Variants in MYRIP observed in about 807,000 individuals in gnomAD.
The protein encoded by MYRIP is rab effector MyRIP.
A neutral mutation model predicts 98.0 loss-of-function variants in MYRIP; 49 were observed. The observed-to-expected ratio is 0.50, with a 90% CI of 0.40 to 0.63. The LOEUF is 0.63. Among genes scored for constraint, MYRIP ranks in the 30% least tolerant of loss-of-function variants. MYRIP has a pLI of 0.00. For synonymous variants in MYRIP, 404 were observed against 409.5 expected, an observed-to-expected ratio of 0.99 and a Z score of 0.16; for missense variants, 1,004 against 1,058.2, an observed-to-expected ratio of 0.95 and a Z score of 0.71.
At chr3:40,248,428 G>C (rs1342875600) in intron 13 of MYRIP, 1 of 152,198 alleles carries the variant, frequency 6.6e-6, no homozygotes, top group Non-Finnish European at 1.5e-5. Context: ...AGCTGAATTG[G>C]TCATCCCCTT....
chr3:39,918,842 A>G (rs1477675152), intron 2 of MYRIP, among the ~76,000 whole-genome samples: 1 of 152,176 alleles, frequency 6.6e-6, no homozygotes, highest in African/African-American at 2.4e-5. Flanking sequence ...TAGCAAAGGT[A>G]GTCTTGTTAT....
At chr3:40,155,572 C>T (rs1211565915) in intron 4 of MYRIP, among the ~76,000 whole-genome samples, 2 of 151,852 alleles carry the variant, frequency 1.3e-5, no homozygotes, top group Non-Finnish European at 2.9e-5. Context: ...GCCACACTGA[C>T]TTCCACAATG....
intron 3 of MYRIP, among the ~76,000 whole-genome samples, chr3:40,135,322 A>G (rs1261728206): frequency 1.3e-5 from 2 of 152,188 alleles, no homozygotes; most frequent in African/African-American, 4.8e-5. Flanking sequence ...GCATGAAGAG[A>G]AGTTTAGAGA....
intron 3 of MYRIP, among the ~76,000 whole-genome samples, chr3:40,108,174 TGAGAGAGAGAGAGAGA>T (rs72224557): frequency 0.1 from 14,091 of 138,310 alleles, 780 homozygotes; most frequent in East Asian, 0.23. Context: ...GCAGTGTTTG[TGAGAGAGAGAGAGAGA>T]GAGAGAGAGA....
At chr3:39,987,003 A>G (rs1322682646) in intron 2 of MYRIP, among the ~76,000 whole-genome samples, 1 of 151,934 alleles carries the variant, frequency 6.6e-6, no homozygotes, top group Non-Finnish European at 1.5e-5. Context: ...CTTTATTATT[A>G]TTATTTTTTA....
At chr3:39,985,195 C>T in intron 2 of MYRIP, among the ~76,000 whole-genome samples, 1 of 150,606 alleles carries the variant, frequency 6.6e-6, no homozygotes. Context: ...CATGAGTGAA[C>T]TCCCATTCAC....
chr3:39,936,686 C>A (rs188825353), intron 2 of MYRIP, among the ~76,000 whole-genome samples: 1 of 152,076 alleles, frequency 6.6e-6, no homozygotes, highest in Non-Finnish European at 1.5e-5. Flanking sequence ...ATGCTTGCAC[C>A]GTAATACACA....
At chr3:39,977,232 G>C (rs1945779447) in intron 2 of MYRIP, among the ~76,000 whole-genome samples, 2 of 152,078 alleles carry the variant, frequency 1.3e-5, no homozygotes, top group African/African-American at 4.8e-5. Flanking sequence ...GAGGAAGTGT[G>C]CATTAAGGGG....
intron 3 of MYRIP, among the ~76,000 whole-genome samples, chr3:40,083,855 C>T (rs994690816): frequency 6.6e-6 from 1 of 151,912 alleles, no homozygotes; most frequent in African/African-American, 2.4e-5. Context: ...AAGACATTCT[C>T]GGCCGGGCGC....
chr3:40,032,804 G>C (rs1353336807), intron 2 of MYRIP, among the ~76,000 whole-genome samples: 1 of 152,102 alleles, frequency 6.6e-6, no homozygotes, highest in African/African-American at 2.4e-5. Flanking sequence ...GATGAAAATT[G>C]ATGCAAAAAT....
chr3:39,884,639 C>G (rs1434735695), intron 1 of MYRIP, among the ~76,000 whole-genome samples: 1 of 152,014 alleles, frequency 6.6e-6, no homozygotes, highest in Non-Finnish European at 1.5e-5. Context: ...CCCATTTTAT[C>G]CAAATGAAAA....
chr3:39,998,820 C>CA (rs1227666207), intron 2 of MYRIP, among the ~76,000 whole-genome samples: 1 of 152,102 alleles, frequency 6.6e-6, no homozygotes, highest in Non-Finnish European at 1.5e-5. Context: ...GTACTGGTAC[C>CA]AAAACAGAGA....
intron 2 of MYRIP, among the ~76,000 whole-genome samples, chr3:39,970,898 G>A (rs1370849696): frequency 6.6e-6 from 1 of 151,970 alleles, no homozygotes; most frequent in African/African-American, 2.4e-5. Context: ...AGTTGAAACA[G>A]ACACTTGTAA....
chr3:40,126,243 A>G (rs190729618), intron 3 of MYRIP, among the ~76,000 whole-genome samples: 309 of 152,324 alleles, frequency 2.0e-3, no homozygotes, highest in South Asian at 4.3e-3. Flanking sequence ...AGACCTCCTG[A>G]ATCAGAAACT....
intron 3 of MYRIP, among the ~76,000 whole-genome samples, chr3:40,104,628 A>G (rs1949019588): frequency 2.0e-5 from 3 of 152,190 alleles, no homozygotes. Context: ...CAACATTCTC[A>G]TCATCATCAG....
chr3:39,836,594 G>C (rs1191950956), intron 1 of MYRIP, among the ~76,000 whole-genome samples: 1 of 152,106 alleles, frequency 6.6e-6, no homozygotes, highest in African/African-American at 2.4e-5. Context: ...GTCCCTTGCA[G>C]ACCCCTGACC....
chr3:40,204,517 G>T (rs188861308), intron 10 of MYRIP, among the ~76,000 whole-genome samples: 82 of 151,870 alleles, frequency 5.4e-4, no homozygotes, highest in Admixed American at 1.6e-3. Flanking sequence ...AAGAGGCAAC[G>T]TTTTGTTCCT....
chr3:39,988,642 T>C (rs991847961), intron 2 of MYRIP, among the ~76,000 whole-genome samples: 4 of 152,014 alleles, frequency 2.6e-5, no homozygotes, highest in Admixed American at 6.6e-5. Flanking sequence ...CTCTTTCAGG[T>C]ACTCCAATCA....
At chr3:39,927,148 ATG>A in intron 2 of MYRIP, among the ~76,000 whole-genome samples, 2 of 152,032 alleles carry the variant, frequency 1.3e-5, no homozygotes, top group Non-Finnish European at 2.9e-5. Context: ...GTGCACAGAA[ATG>A]TTACTGATTT....
Sources: allele counts gnomAD v4.1 joint callset (sites outside exome capture counted in the v4.1 genomes callset), GRCh38; gene constraint gnomAD v4.1.1; transcripts MANE v1.5; gene names NCBI Gene and HGNC (gene_info 2026-07-23, HGNC 2026-07-21).